Variants in PXN observed in about 807,000 individuals in gnomAD.
The protein encoded by PXN is testicular tissue protein Li 134.
PXN carries 61 observed loss-of-function variants against 103.6 expected under a neutral mutation model. That is an observed-to-expected ratio of 0.59 (90% CI 0.48 to 0.73). The LOEUF (loss-of-function observed/expected upper bound fraction) is 0.73. PXN is among the 30% of genes least tolerant of loss of function. The probability of loss-of-function intolerance (pLI) is 0.00; values close to 1 mark genes in which losing one functional copy is unlikely to be tolerated. For synonymous variants in PXN, 562 were observed against 607.8 expected, an observed-to-expected ratio of 0.92 and a Z score of 1.11; for missense variants, 1,274 against 1,460.3, an observed-to-expected ratio of 0.87 and a Z score of 2.08.
At chr12:120,252,667 G>A (rs752354011) in intron 1 of PXN, among the ~76,000 whole-genome samples, 1 of 152,116 alleles carries the variant, frequency 6.6e-6, no homozygotes, top group African/African-American at 2.4e-5. Context: ...CAGGGGCCAA[G>A]TAGGAATATG....
chr12:120,246,527 AAAAAAAG>A (rs1268736904), intron 1 of PXN, among the ~76,000 whole-genome samples: 54 of 147,690 alleles, frequency 3.7e-4, no homozygotes, highest in African/African-American at 5.3e-4. Context: ...AAAAAAAAAA[AAAAAAAG>A]AAAAAAGAAA....
chr12:120,212,701 C>T lies in PXN; in HGVS notation c.2980-121G>A, dbSNP rs1229209835. 1.6e-6 allele frequency: 2 copies of T among 1,216,862 alleles called. No individual in the cohort carries two copies. The highest frequency in any genetic ancestry group is 2.3e-5 in the Admixed American group (1 of 44,176). The allele number at this position is 1,216,862 out of a possible 1,614,324, so 75.4% of individuals were successfully genotyped here. On this transcript the variant is annotated intron_variant, in intron 14 of 14. Transcript: ENST00000637617. This position sits in a 1 kb window ranked among gnomAD's most constrained non-coding sequence, Gnocchi z 7.2. ...AGTGACTCCTACTTGCTAGGCGTTT[C>T]CCATGTGCCGTGTTGTCCTAAACGC...
At position 120,260,308 on chromosome 12, in the gene PXN, G is replaced by A. The variant is rs1011268866; in HGVS notation, c.13+5309C>T. Among the ~76,000 whole-genome samples, 14 of 152,222 alleles carry A rather than the reference G, an allele frequency of 9.2e-5. No individual in the cohort carries two copies. In the South Asian group the frequency reaches 1.2e-3, roughly 14 times the overall value. On this transcript the variant is annotated intron_variant, in intron 1 of 14. Coordinates refer to ENST00000637617, the MANE Select transcript of PXN (RefSeq NM_001385981.1). ...GTGGATCACCTGAAGTCGGGAGTTC[G>A]AGACCAGCCTGACCAACATGGAGAA...
chr12:120,212,294 C>T lies in PXN; in HGVS notation c.*20G>A. 6.2e-7 allele frequency: 1 copy of T among 1,604,208 alleles called. No homozygotes were observed. ...GGGGATGCTGGCTGGGGAAGGGGGG[C>T]AGAGACAGGGGCAGGGCACCTAGCA... On this transcript the variant is annotated 3_prime_UTR_variant, in exon 15 of 15. Transcript: ENST00000637617. This position sits in a 1 kb window ranked among gnomAD's most constrained non-coding sequence, Gnocchi z 7.2.
rs950371421 is a variant in PXN at position 120,220,344 on chromosome 12, T to C, written c.832-253A>G. Among the ~76,000 whole-genome samples, 3 of 150,206 alleles carry C rather than the reference T, an allele frequency of 2.0e-5. No individual in the cohort carries two copies. The highest frequency in any genetic ancestry group is 7.4e-5 in the African/African-American group (3 of 40,636). On this transcript the variant is annotated intron_variant, in intron 6 of 14. Coordinates refer to ENST00000637617, the MANE Select transcript of PXN (RefSeq NM_001385981.1). This position sits in a 1 kb window ranked among gnomAD's most constrained non-coding sequence, Gnocchi z 6.1. The stretch of plus-strand genomic sequence containing the variant: ...TGCCTGTGGAGCCACCCAGGGAGGG[T>C]ATGAGAAAGAAAAGACCACGGTAAG...
At chr12:120,233,915 C>T (rs921925427) in intron 1 of PXN, among the ~76,000 whole-genome samples, 1 of 152,176 alleles carries the variant, frequency 6.6e-6, no homozygotes, top group Non-Finnish European at 1.5e-5. Flanking sequence ...TTGAGCCTCT[C>T]GCACAAGGAT....
intron 1 of PXN, among the ~76,000 whole-genome samples, chr12:120,250,792 A>T (rs1387680569): frequency 6.6e-6 from 1 of 152,226 alleles, no homozygotes; most frequent in Admixed American, 6.5e-5. Flanking sequence ...TCCAGAAAGT[A>T]ACTGAAGTCA....
In PXN at chr12:120,257,865, C is replaced by G. The variant is rs148874683; in HGVS notation, c.13+7752G>C. On this transcript the variant is annotated intron_variant, in intron 1 of 14. Transcript: ENST00000637617. ...ACATCTCCTCCCCGCCCACAGGCCT[C>G]AAGCTGCCCAGAGACCGTTCCCTGA... is the stretch of plus-strand genomic sequence containing the variant. Among the ~76,000 whole-genome samples, 98 of 152,288 alleles carry G rather than the reference C, an allele frequency of 6.4e-4. 2 individuals are homozygous for G. The East Asian group carries it at 0.015, about 23-fold the overall frequency.
At position 120,248,482 on chromosome 12, in the gene PXN, C is replaced by T. The variant is rs556065618; in HGVS notation, c.13+17135G>A. The stretch of plus-strand genomic sequence containing the variant: ...CCCCAAGCACACCATATACAATCCA[C>T]AGATGACTTTCACACACACACACAC... On this transcript the variant is annotated intron_variant, in intron 1 of 14. Transcript: ENST00000637617. 7.0e-5 allele frequency among the ~76,000 whole-genome samples: 10 copies of T among 142,866 alleles called. No homozygotes were observed. The South Asian group carries it at 8.9e-4, about 13-fold the overall frequency. The allele number at this position is 142,866 out of a possible 152,430, so 93.7% of individuals were successfully genotyped here.
Position 120,215,933 on chromosome 12 carries a change from G to A in PXN, c.2302-272C>T, listed in dbSNP as rs778848499. ...GGGCTCAGTGATGAGGCCTCACCGG[G>A]CGCTGGGCCTGGGGGCTGGAAGGGA... On this transcript the variant is annotated intron_variant, in intron 9 of 14. Coordinates refer to ENST00000637617, the MANE Select transcript of PXN (RefSeq NM_001385981.1). This position sits in a 1 kb window ranked among gnomAD's most constrained non-coding sequence, Gnocchi z 4.9. 15 of 1,389,032 alleles carry A rather than the reference G, an allele frequency of 1.1e-5. No homozygotes were observed. Among genetic ancestry groups the A allele is most frequent in the South Asian group, 1.8e-5 (1 of 56,252 alleles). The allele number at this position is 1,389,032 out of a possible 1,614,324, so 86.0% of individuals were successfully genotyped here.
Position 120,224,040 on chromosome 12 carries a change from GGGT to G in PXN, c.240+108_240+110del, listed in dbSNP as rs1433531006. 43 of 921,610 alleles carry G rather than the reference GGGT, an allele frequency of 4.7e-5. No individual in the cohort carries two copies. In the Admixed American group the frequency reaches 6.6e-4, roughly 14 times the overall value. The allele number at this position is 921,610 out of a possible 1,614,324, so 57.1% of individuals were successfully genotyped here. On this transcript the variant is annotated intron_variant, in intron 2 of 14. Transcript: ENST00000637617. The surrounding 1 kb of genome is among the most constrained non-coding windows in gnomAD (Gnocchi z 5.0). ...GGGAAGAGCAGTGTCTGGTTGGGAA[GGGT>G]CGACTGCCCCAATTCCATTCCATCC... is the stretch of plus-strand genomic sequence containing the variant.
chr12:120,226,922 G>A, intron 1 of PXN: 2 of 991,648 alleles, frequency 2.0e-6, no homozygotes, highest in Non-Finnish European at 1.2e-6. Context: ...AGGCTCTCCA[G>A]ACCCAAGTCA....
At position 120,237,745 on chromosome 12, in the gene PXN, T is replaced by A. The variant is rs1273069400; in HGVS notation, c.14-13368A>T. The stretch of plus-strand genomic sequence containing the variant: ...TTGGGCACACAAATTTTGGAAGCCA[T>A]CTGCTGATTTCAGGGCTCTAGGAAA... On this transcript the variant is annotated intron_variant, in intron 1 of 14. Transcript: ENST00000637617. Among the ~76,000 whole-genome samples, 6 of 152,154 alleles carry A rather than the reference T, an allele frequency of 3.9e-5. No homozygotes were observed. In the East Asian group the frequency reaches 9.6e-4, roughly 24 times the overall value.
chr12:120,249,073 G>A (rs1891710285), intron 1 of PXN, among the ~76,000 whole-genome samples: 2 of 152,040 alleles, frequency 1.3e-5, no homozygotes, highest in Admixed American at 6.6e-5. Context: ...GGAAGCAGAG[G>A]TTGCAGTGAG....
chr12:120,226,098 G>A (rs1244853756), intron 1 of PXN: 9 of 1,119,402 alleles, frequency 8.0e-6, no homozygotes, highest in South Asian at 2.0e-5. Flanking sequence ...TCTAGGTAAC[G>A]GCAGAAAAGG....
At chr12:120,243,412 G>A (rs756138514) in intron 1 of PXN, among the ~76,000 whole-genome samples, 5 of 152,106 alleles carry the variant, frequency 3.3e-5, no homozygotes, top group African/African-American at 4.8e-5. Context: ...ACAAAAGGCC[G>A]GGCATGGTGG....
rs1355226196 is a variant in PXN at position 120,222,089 on chromosome 12, G to A, written c.696-331C>T. Among the ~76,000 whole-genome samples the A allele has an allele frequency of 1.3e-5, 2 of 152,198 alleles. No homozygotes were observed. The highest frequency in any genetic ancestry group is 2.1e-4 in the South Asian group (1 of 4,830). On this transcript the variant is annotated intron_variant, in intron 5 of 14. Coordinates refer to ENST00000637617, the MANE Select transcript of PXN (RefSeq NM_001385981.1). This position sits in a 1 kb window ranked among gnomAD's most constrained non-coding sequence, Gnocchi z 4.7. ...CACGACGGCACTGGTAAGAGCTCGC[G>A]TGTTGGGCACTCACCATGTGTGCCA...
chr12:120,238,026 A>G (rs968219621), intron 1 of PXN, among the ~76,000 whole-genome samples: 7 of 152,310 alleles, frequency 4.6e-5, no homozygotes, highest in Admixed American at 2.0e-4. Flanking sequence ...GGCAAGGCCA[A>G]TTTCTCCGGA....
chr12:120,214,157 C>T lies in PXN; in HGVS notation c.2809G>A (p.Gly937Arg). The T allele has an allele frequency of 6.4e-7, 1 of 1,552,400 alleles. No homozygotes were observed. ...GTACCTTCGGGACCAAAGAAGGCTCCACACTGTGCACAGAAGAAGTGTTCA... is the reference window on the plus strand; with the variant it reads ...GTACCTTCGGGACCAAAGAAGGCTCTACACTGTGCACAGAAGAAGTGTTCA... ...HPEHFFCAQCGAFFGPEGFHE... is the reference protein window; with the variant it reads ...HPEHFFCAQCRAFFGPEGFHE... Residue 937 changes from glycine to arginine, a missense_variant, in exon 13 of 15, where the codon GGA becomes AGA. Physicochemically the swap from Gly to Arg is moderately radical, Grantham distance 125 (BLOSUM62 -2). Around this residue, in one of 2 missense-constraint regions of PXN, gnomAD observed 1,178 missense variants for 1,309.0 expected, o/e 0.90. Transcript: ENST00000637617. This position sits in a 1 kb window ranked among gnomAD's most constrained non-coding sequence, Gnocchi z 5.0.
Sources: gnomAD v4.1 joint callset for allele counts (sites outside exome capture counted in the v4.1 genomes callset) on GRCh38, gnomAD v4.1.1 for gene constraint, gnomAD v4.1.1 regional missense constraint, Gnocchi (gnomAD v3.1) non-coding constraint, MANE v1.5 for transcripts, NCBI Gene and HGNC (gene_info 2026-07-23, HGNC 2026-07-21) for gene names.